The following DYNC2I2 variants were observed in gnomAD, a reference collection of about 807,000 sequenced individuals.
The protein encoded by DYNC2I2 is dynein 2 intermediate chain 2, also known as cytoplasmic dynein 2 intermediate chain 2.
A neutral mutation model predicts 52.0 loss-of-function variants in DYNC2I2; 39 were observed. The ratio of observed to expected loss-of-function variants is 0.75; its 90% CI spans 0.58 to 0.98. DYNC2I2 has a LOEUF of 0.98. Ranked by LOEUF, DYNC2I2 falls within the 50% of genes least tolerant of loss-of-function variation. DYNC2I2 has a pLI of 0.00. For missense variants in DYNC2I2, 743 were observed against 728.4 expected, an observed-to-expected ratio of 1.02 and a Z score of -0.23; for synonymous variants, 359 against 321.1, an observed-to-expected ratio of 1.12 and a Z score of -1.26.
At chr9:128,670,617 T>A in the DYNC2I2 span, among the ~76,000 whole-genome samples, 1 of 151,664 alleles carries the variant, frequency 6.6e-6, no homozygotes, top group Non-Finnish European at 1.5e-5. Flanking sequence ...ACACCTGTAG[T>A]CCCAGCTATT....
chr9:128,653,973 T>C (rs1860769456), intron 1 of DYNC2I2, among the ~76,000 whole-genome samples: 1 of 152,178 alleles, frequency 6.6e-6, no homozygotes, highest in South Asian at 2.1e-4. Flanking sequence ...ATTGCGCCAC[T>C]GCACTCCAGC....
chr9:128,647,731 CAAAAAA>C (rs35883171), intron 1 of DYNC2I2, among the ~76,000 whole-genome samples: 1 of 73,984 alleles, frequency 1.4e-5, no homozygotes, highest in Non-Finnish European at 3.0e-5. Flanking sequence ...GACTCCATCT[CAAAAAA>C]AAAAAAAAAA....
chr9:128,647,894 T>C (rs1450386289), intron 1 of DYNC2I2, among the ~76,000 whole-genome samples: 2 of 151,988 alleles, frequency 1.3e-5, no homozygotes. Context: ...AGGGACGCTC[T>C]GCAGCCTGAA....
At chr9:128,682,946 G>A in the DYNC2I2 span, among the ~76,000 whole-genome samples, 1 of 150,898 alleles carries the variant, frequency 6.6e-6, no homozygotes, top group Non-Finnish European at 1.5e-5. Context: ...AAAGTGCTGG[G>A]ATTACAGGCT....
In DYNC2I2 at chr9:128,633,770, A is replaced by T; in HGVS notation, c.1585T>A (p.Cys529Ser). The change falls in exon 9 of 9, where the codon TGC (cysteine) becomes AGC (serine). Residue 529 changes from cysteine to serine, a missense_variant. By Grantham distance (112) the Cys-to-Ser change is moderately radical. Transcript: ENST00000372715. ...CAGGCCGCCACCTCTGCTGCCAGGC[A>T]GTCCAGGTCCTCAGCTTCCCGGGGC... Reference protein sequence around the residue: ...QGPREAEDLDCLAAEVAA With the variant: ...QGPREAEDLDSLAAEVAA 6.2e-7 allele frequency: 1 copy of T among 1,613,494 alleles called. No homozygotes were observed. The highest frequency in any genetic ancestry group is 8.5e-7 in the Non-Finnish European group (1 of 1,180,044).
the DYNC2I2 span, among the ~76,000 whole-genome samples, chr9:128,677,216 CA>C: frequency 0.95 from 127,797 of 135,144 alleles, 60,487 homozygotes; most frequent in Middle Eastern, 0.98. Context: ...AACTCTGTCT[CA>C]AAAAAAAAAA....
chr9:128,652,623 C>A (rs1484596213), intron 1 of DYNC2I2, among the ~76,000 whole-genome samples: 24 of 140,474 alleles, frequency 1.7e-4, no homozygotes, highest in Middle Eastern at 3.6e-3. Flanking sequence ...AATTCCGTCT[C>A]AAAAAAAAAA....
the DYNC2I2 span, chr9:128,683,758 G>A: frequency 1.5e-6 from 1 of 671,296 alleles, no homozygotes; most frequent in Non-Finnish European, 2.5e-6. Flanking sequence ...GTGTCCCACT[G>A]TCATGTAAAT....
At chr9:128,642,497 G>A (rs1285453020) in intron 1 of DYNC2I2, among the ~76,000 whole-genome samples, 21 of 146,480 alleles carry the variant, frequency 1.4e-4, no homozygotes, top group Middle Eastern at 3.8e-3. Context: ...GAGGCCGGGC[G>A]CAGTGGCTCA....
chr9:128,666,874 C>T, the DYNC2I2 span, among the ~76,000 whole-genome samples: 2 of 151,958 alleles, frequency 1.3e-5, 1 homozygote, highest in South Asian at 4.1e-4. Flanking sequence ...CAAGACCAGC[C>T]TGAGCAAAAT....
chr9:128,646,482 T>G (rs1326803065), intron 1 of DYNC2I2, among the ~76,000 whole-genome samples: 4 of 151,796 alleles, frequency 2.6e-5, no homozygotes, highest in Admixed American at 1.3e-4. Flanking sequence ...GTGCTGGGAT[T>G]ACAGGCATGA....
At position 128,635,134 on chromosome 9, in the gene DYNC2I2, G is replaced by C; in HGVS notation, c.939C>G (p.Ala313=). 6.2e-7 allele frequency: 1 copy of C among 1,613,436 alleles called. No homozygotes were observed. ...VGQLQLTEGF[A]LVMQQLPRST... ...TCCGTGGCAGCTGCTGCATGACCAG[G>C]GCGAAGCCCTCTGTGAGCTGCAGCT... Residue 313 remains alanine (A), a synonymous_variant, in exon 6 of 9, where the codon GCC becomes GCG. Transcript: ENST00000372715.
At chr9:128,643,543 A>T (rs74980174) in intron 1 of DYNC2I2, among the ~76,000 whole-genome samples, 223 of 151,244 alleles carry the variant, frequency 1.5e-3, no homozygotes, top group African/African-American at 5.2e-3. Flanking sequence ...AAAAAAAAAA[A>T]TTGCCAGGCA....
intron 1 of DYNC2I2, among the ~76,000 whole-genome samples, chr9:128,645,127 G>A (rs1047174465): frequency 3.3e-5 from 5 of 151,446 alleles, no homozygotes; most frequent in African/African-American, 9.7e-5. Flanking sequence ...GAGGCGGGCA[G>A]ATCACCTGAG....
At chr9:128,635,408 G>A in intron 5 of DYNC2I2, 149 bp from the exon 6 acceptor site, 2 of 1,058,660 alleles carry the variant, frequency 1.9e-6, no homozygotes, top group South Asian at 3.3e-5. Flanking sequence ...GGCAGGCCTG[G>A]AGGGTTCCCA....
chr9:128,634,852 T>G lies in DYNC2I2; in HGVS notation c.1051A>C (p.Ile351Leu). Residue 351 changes from isoleucine to leucine, a missense_variant, in exon 7 of 9, where the codon ATT (isoleucine) becomes CTT (leucine). Transcript: ENST00000372715. ...GGGAAGCCGCCTTCCGTGCCCAGAA[T>G]GAACAGCCTAGGGTCAAAGCTGGAG... is the stretch of plus-strand genomic sequence containing the variant. ...AFSSFDPRLF[I>L]LGTEGGFPLK... 1 of 1,613,562 alleles carries G rather than the reference T, an allele frequency of 6.2e-7. No individual in the cohort carries two copies. The highest frequency in any genetic ancestry group is 8.5e-7 in the Non-Finnish European group (1 of 1,179,966).
At chr9:128,657,274 AATGAGGTCTTCT>A (rs1860850942), upstream of DYNC2I2, among the ~76,000 whole-genome samples, 1 of 152,206 alleles carries the variant, frequency 6.6e-6, no homozygotes, top group African/African-American at 2.4e-5. Context: ...GGGAGGCCCA[AATGAGGTCTTCT>A]ACAGAAACAT....
At chr9:128,670,203 G>A in the DYNC2I2 span, among the ~76,000 whole-genome samples, 1 of 152,096 alleles carries the variant, frequency 6.6e-6, no homozygotes, top group Admixed American at 6.6e-5. Flanking sequence ...CACTTTGGGA[G>A]CCCAAGGGGC....
chr9:128,670,115 G>C, the DYNC2I2 span, among the ~76,000 whole-genome samples: 1 of 151,940 alleles, frequency 6.6e-6, no homozygotes, highest in East Asian at 1.9e-4. Context: ...ACTCCAGCAT[G>C]GGTTACAGAG....
Sources: allele counts gnomAD v4.1 joint callset (sites outside exome capture counted in the v4.1 genomes callset), GRCh38; gene constraint gnomAD v4.1.1; transcripts MANE v1.5; gene names NCBI Gene and HGNC (gene_info 2026-07-23, HGNC 2026-07-21).